C1orf198: variants seen among roughly 807,000 people sequenced by gnomAD.
C1orf198 encodes chromosome 1 open reading frame 198.
In C1orf198, 17 loss-of-function variants were observed where a neutral mutation model predicts 31.4. That is an observed-to-expected ratio of 0.54 (90% CI 0.37 to 0.81). The LOEUF (loss-of-function observed/expected upper bound fraction) is 0.81, where lower values mean the gene tolerates loss of function less well. C1orf198 is among the 40% of genes least tolerant of loss of function. C1orf198 has a pLI of 0.00. For synonymous variants in C1orf198, 175 were observed against 193.8 expected, an observed-to-expected ratio of 0.90 and a Z score of 0.81; for missense variants, 401 against 450.3, an observed-to-expected ratio of 0.89 and a Z score of 0.99.
At chr1:230,844,287 T>A (rs6678535) in intron 2 of C1orf198, among the ~76,000 whole-genome samples, 11,502 of 151,832 alleles carry the variant, frequency 0.076, 1,412 homozygotes, top group African/African-American at 0.26. Context: ...CCTCATGAGA[T>A]CTGGTCGTTT....
intron 1 of C1orf198, among the ~76,000 whole-genome samples, chr1:230,864,079 A>G (rs952388078): frequency 5.3e-4 from 80 of 152,344 alleles, no homozygotes; most frequent in African/African-American, 1.9e-3. Context: ...GCCACACAGC[A>G]GCCAAACTCA....
rs1197743913 is a variant in C1orf198, at chr1:230,857,936, T to C, written c.334-2218A>G. ...TTACAGTCACTGTCCTGTAATGGTA[T>C]TTGCTTATGATCCTGACTTCTGAAC... On this transcript the variant is annotated intron_variant, in intron 1 of 3. Coordinates refer to ENST00000366663, the MANE Select transcript of C1orf198 (RefSeq NM_032800.3). This position sits in a 1 kb window ranked among gnomAD's most constrained non-coding sequence, Gnocchi z 4.2. Among the ~76,000 whole-genome samples, 1 of 152,228 alleles carries C rather than the reference T, an allele frequency of 6.6e-6. No homozygotes were observed. Among genetic ancestry groups the C allele is most frequent in the Non-Finnish European group, 1.5e-5 (1 of 68,030 alleles).
chr1:230,868,516 C>G lies in C1orf198; in HGVS notation c.-4G>C, dbSNP rs865815022. On this transcript the variant is annotated 5_prime_UTR_variant, in exon 1 of 4. Coordinates refer to ENST00000366663, the MANE Select transcript of C1orf198 (RefSeq NM_032800.3). ...TCGCCGCCGCCATGGACGCCATGCC[C>G]GGCCTGCCCGCCGCTCCCGGCCCGC... 2.2e-6 allele frequency: 3 copies of G among 1,335,522 alleles called. No homozygotes were observed. The African/African-American group carries it at 4.5e-5, about 20-fold the overall frequency. 82.7% of individuals were successfully genotyped at this position (1,335,522 alleles called of 1,614,324 possible). A position where few individuals can be genotyped will look rare whatever the true frequency, so the allele number is the denominator to read the frequency against.
chr1:230,859,270 A>T (rs1485030587), intron 1 of C1orf198, among the ~76,000 whole-genome samples: 1 of 152,106 alleles, frequency 6.6e-6, no homozygotes, highest in Non-Finnish European at 1.5e-5. Context: ...TCCCATGGTG[A>T]CCAGCCTGCA....
chr1:230,868,075 A>C, intron 1 of C1orf198, 105 bp downstream of exon 1: 7 of 1,152,010 alleles, frequency 6.1e-6, no homozygotes, highest in Non-Finnish European at 6.7e-6. Flanking sequence ...TTTCTTTTCC[A>C]GCCCCTACCA....
chr1:230,855,859 C>A, intron 1 of C1orf198, 141 bp from the exon 2 acceptor site: 3 of 1,486,666 alleles, frequency 2.0e-6, no homozygotes, highest in Non-Finnish European at 2.7e-6. Context: ...CTTTGACACT[C>A]TCAATATAAT....
At chr1:230,859,149 A>G (rs942733961) in intron 1 of C1orf198, among the ~76,000 whole-genome samples, 3 of 152,210 alleles carry the variant, frequency 2.0e-5, no homozygotes, top group African/African-American at 4.8e-5. Context: ...CTAGCCACAA[A>G]AAAGCACTGG....
chr1:230,847,794 CAG>C (rs1349286813), intron 2 of C1orf198, among the ~76,000 whole-genome samples: 2 of 152,162 alleles, frequency 1.3e-5, no homozygotes, highest in Admixed American at 6.6e-5. Context: ...GGGCCCAACT[CAG>C]GGGACAAAGT....
chr1:230,848,716 G>C (rs533024036), intron 2 of C1orf198, among the ~76,000 whole-genome samples: 87 of 152,262 alleles, frequency 5.7e-4, no homozygotes, highest in African/African-American at 1.8e-3. Flanking sequence ...ACCCTGCTGG[G>C]TGCTAGGCCT....
intron 2 of C1orf198, among the ~76,000 whole-genome samples, chr1:230,854,515 C>T (rs1017868126): frequency 2.0e-5 from 3 of 152,160 alleles, no homozygotes; most frequent in Non-Finnish European, 2.9e-5. Context: ...CCCTGCAACC[C>T]GTACCCGATC....
At chr1:230,855,774 A>G in intron 1 of C1orf198, 56 bp from the exon 2 acceptor site, 1 of 1,604,744 alleles carries the variant, frequency 6.2e-7, no homozygotes, top group Non-Finnish European at 8.5e-7. Flanking sequence ...TACCCCATGC[A>G]AATATCCACC....
chr1:230,863,531 C>T (rs781136826), intron 1 of C1orf198, among the ~76,000 whole-genome samples: 1 of 152,224 alleles, frequency 6.6e-6, no homozygotes, highest in Admixed American at 6.5e-5. Context: ...CCTCCCTCCC[C>T]GCAGGTCTGT....
intron 2 of C1orf198, among the ~76,000 whole-genome samples, chr1:230,855,209 A>G (rs1265461157): frequency 6.6e-6 from 1 of 152,238 alleles, no homozygotes; most frequent in Non-Finnish European, 1.5e-5. Context: ...AGACAGAATT[A>G]GTGATCCACG....
chr1:230,852,961 C>G (rs567931497), intron 2 of C1orf198, among the ~76,000 whole-genome samples: 2 of 152,282 alleles, frequency 1.3e-5, no homozygotes, highest in Non-Finnish European at 2.9e-5. Context: ...AAAGAGTCCT[C>G]GTAGGCTTCC....
Position 230,840,043 on chromosome 1 carries a change from T to C in C1orf198, c.928-135A>G. The C allele has an allele frequency of 1.5e-6, 1 of 678,672 alleles. No homozygotes were observed. The highest frequency in any genetic ancestry group is 2.5e-6 in the Non-Finnish European group (1 of 404,326). The allele number at this position is 678,672 out of a possible 1,614,324, so 42.0% of individuals were successfully genotyped here. A position where few individuals can be genotyped will look rare whatever the true frequency, so the allele number is the denominator to read the frequency against. On this transcript the variant is annotated intron_variant, in intron 3 of 3. Coordinates refer to ENST00000366663, the MANE Select transcript of C1orf198 (RefSeq NM_032800.3). This position sits in a 1 kb window ranked among gnomAD's most constrained non-coding sequence, Gnocchi z 4.0. The stretch of plus-strand genomic sequence containing the variant: ...TGTCTCAGAGGTTCCCTGACCTCAA[T>C]TTATCTCAGTGCTTGAAATCAGAAG...
At chr1:230,862,684 T>G (rs1180163471) in intron 1 of C1orf198, among the ~76,000 whole-genome samples, 2 of 152,166 alleles carry the variant, frequency 1.3e-5, no homozygotes, top group Non-Finnish European at 2.9e-5. Flanking sequence ...ACAGTTAAAA[T>G]ATCGTTGGTT....
rs1204207068 is a variant in C1orf198, at chr1:230,868,263, C to G, written c.250G>C (p.Asp84His). ...LVGPRAPAPR[D>H]PGDSEELTRF... is the part of the protein sequence containing the mutation. ...GTGAGCTCCTCCGAGTCCCCGGGGT[C>G]TCGGGGCGCCGGGGCGCGCGGCCCC... The change falls in exon 1 of 4, where the codon GAC becomes CAC. Residue 84 changes from aspartate (D) to histidine (H), a missense_variant. By Grantham distance (81) the Asp-to-His change is moderately conservative. Coordinates refer to ENST00000366663, the MANE Select transcript of C1orf198 (RefSeq NM_032800.3). 1 of 1,578,314 alleles carries G rather than the reference C, an allele frequency of 6.3e-7. No individual in the cohort carries two copies. Among genetic ancestry groups the G allele is most frequent in the Non-Finnish European group, 8.6e-7 (1 of 1,164,386 alleles).
At chr1:230,854,737 C>T (rs1011136021) in intron 2 of C1orf198, among the ~76,000 whole-genome samples, 4 of 152,242 alleles carry the variant, frequency 2.6e-5, no homozygotes, top group African/African-American at 9.6e-5. Context: ...CATTTTAAGA[C>T]ACAGTCGCCA....
chr1:230,860,044 T>C (rs559183294), intron 1 of C1orf198, among the ~76,000 whole-genome samples: 57 of 152,274 alleles, frequency 3.7e-4, no homozygotes, highest in African/African-American at 1.3e-3. Flanking sequence ...CGAGAGCTGA[T>C]TGTAAAATTT....
Sources: allele counts gnomAD v4.1 joint callset (sites outside exome capture counted in the v4.1 genomes callset), GRCh38; gene constraint gnomAD v4.1.1; non-coding constraint Gnocchi (gnomAD v3.1); transcripts MANE v1.5; gene names NCBI Gene and HGNC (gene_info 2026-07-23, HGNC 2026-07-21).